The following EYS variants were observed in gnomAD, a reference collection of about 807,000 sequenced individuals.
The protein encoded by EYS is EGF-like photoreceptor maintenance factor, also known as protein eyes shut homolog.
Under a neutral mutation model 282.1 loss-of-function variants are expected in EYS, and 250 were observed. The ratio of observed to expected loss-of-function variants is 0.89; its 90% CI spans 0.80 to 0.98. The LOEUF is 0.98. Among genes scored for constraint, EYS ranks in the 50% least tolerant of loss-of-function variants. EYS has a pLI of 0.00. For synonymous variants in EYS, 1,355 were observed against 1,282.9 expected (o/e 1.06, Z -1.20); for missense variants, 4,016 against 3,709.0 (o/e 1.08, Z -2.15).
chr6:64,109,647 G>T, intron 31 of EYS, among the ~76,000 whole-genome samples: 1 of 152,042 alleles, frequency 6.6e-6, no homozygotes, highest in East Asian at 1.9e-4. Context: ...CATGCAAGGA[G>T]AACTTGGACA....
Position 63,762,763 on chromosome 6 carries a change from A to G in EYS, c.7899-130T>C, listed in dbSNP as rs997292191. The G allele has an allele frequency of 1.0e-4, 90 of 862,832 alleles. 1 individual carries two copies. Among genetic ancestry groups the G allele is most frequent in the Non-Finnish European group, 1.4e-4 (83 of 578,534 alleles). The allele number at this position is 862,832 out of a possible 1,614,324, so 53.4% of individuals were successfully genotyped here. On this transcript the variant is annotated intron_variant, in intron 40 of 42. Coordinates refer to ENST00000503581, the MANE Select transcript of EYS (RefSeq NM_001142800.2). The stretch of plus-strand genomic sequence containing the variant: ...GAGATCAAAATGAATTGTGATTCAA[A>G]CCCTAAATTGTCAAAGGAAAGAGTT...
chr6:65,188,541 T>A (rs75283225), intron 12 of EYS, among the ~76,000 whole-genome samples: 5,722 of 151,628 alleles, frequency 0.038, 333 homozygotes, highest in African/African-American at 0.13. Flanking sequence ...GATATTTATA[T>A]CTTAATCCTC....
At chr6:63,843,289 T>C (rs1044586134) in intron 36 of EYS, among the ~76,000 whole-genome samples, 1 of 152,130 alleles carries the variant, frequency 6.6e-6, no homozygotes, top group African/African-American at 2.4e-5. Flanking sequence ...CCTTGAGCAG[T>C]AGTTTGTAGT....
intron 41 of EYS, among the ~76,000 whole-genome samples, chr6:63,756,366 T>C (rs1769484125): frequency 6.6e-6 from 1 of 152,216 alleles, no homozygotes. Context: ...AGGCCTTTTC[T>C]GCATCTTTTG....
At chr6:65,573,597 C>A (rs1309421912) in intron 2 of EYS, among the ~76,000 whole-genome samples, 3 of 152,130 alleles carry the variant, frequency 2.0e-5, no homozygotes, top group African/African-American at 4.8e-5. Context: ...ACCCTGAAGC[C>A]CAGCCTCCCT....
At chr6:65,409,966 T>C (rs566400109) in intron 5 of EYS, among the ~76,000 whole-genome samples, 1 of 152,232 alleles carries the variant, frequency 6.6e-6, no homozygotes, top group South Asian at 2.1e-4. Flanking sequence ...TTTATTAATA[T>C]ATAAGCATTT....
chr6:65,518,614 T>C (rs1359825203), intron 2 of EYS, among the ~76,000 whole-genome samples: 1 of 152,128 alleles, frequency 6.6e-6, no homozygotes, highest in Non-Finnish European at 1.5e-5. Context: ...ATAAACCCCA[T>C]GAGGGCAAAA....
intron 11 of EYS, chr6:65,329,889 C>G (rs1410089741): frequency 1.0e-6 from 1 of 980,086 alleles, no homozygotes; most frequent in Non-Finnish European, 1.2e-6. Flanking sequence ...TTCTTATGGA[C>G]TTTTAGATTC....
intron 37 of EYS, chr6:63,797,947 G>A (rs888369322): frequency 6.6e-6 from 1 of 152,154 alleles, no homozygotes; most frequent in African/African-American, 2.4e-5. Flanking sequence ...GCAAAAGGAG[G>A]TGAGACTAGA....
chr6:63,979,296 A>C (rs1766985186), intron 35 of EYS, among the ~76,000 whole-genome samples: 1 of 151,948 alleles, frequency 6.6e-6, no homozygotes. Context: ...GATATTTGCT[A>C]TCTGGCCCAT....
intron 22 of EYS, among the ~76,000 whole-genome samples, chr6:64,709,084 G>T (rs1426093107): frequency 6.6e-6 from 1 of 152,082 alleles, no homozygotes; most frequent in Non-Finnish European, 1.5e-5. Context: ...GGAAAATACA[G>T]ATGAAAATAT....
chr6:64,212,889 G>T (rs927848313), intron 31 of EYS, among the ~76,000 whole-genome samples: 4 of 152,248 alleles, frequency 2.6e-5, no homozygotes, highest in Middle Eastern at 3.4e-3. Context: ...ACTGGATAAA[G>T]AAAATTTGGT....
chr6:64,451,088 C>T (rs984643825), intron 26 of EYS, among the ~76,000 whole-genome samples: 3 of 151,810 alleles, frequency 2.0e-5, no homozygotes, highest in Admixed American at 1.3e-4. Flanking sequence ...TTGAAAAGAT[C>T]AACAAAATTG....
intron 11 of EYS, among the ~76,000 whole-genome samples, chr6:65,309,261 T>C (rs1769091721): frequency 2.0e-5 from 3 of 152,112 alleles, no homozygotes; most frequent in Admixed American, 2.0e-4. Context: ...CGTTAACATA[T>C]GTTCGTAATT....
At chr6:64,335,556 C>T (rs573382898) in intron 29 of EYS, among the ~76,000 whole-genome samples, 1 of 152,208 alleles carries the variant, frequency 6.6e-6, no homozygotes, top group African/African-American at 2.4e-5. Context: ...AGGAAAAGCC[C>T]TTTGTTTGGG....
intron 26 of EYS, among the ~76,000 whole-genome samples, chr6:64,557,663 T>C (rs1403946467): frequency 6.6e-6 from 1 of 152,096 alleles, no homozygotes. Context: ...GTATTAACTA[T>C]TAACTTTATT....
intron 26 of EYS, among the ~76,000 whole-genome samples, chr6:64,563,991 T>G (rs1765482811): frequency 6.6e-6 from 1 of 151,872 alleles, no homozygotes; most frequent in Non-Finnish European, 1.5e-5. Context: ...GATTCAACAT[T>G]TAGTTCATCC....
At chr6:64,184,634 A>T (rs555701579) in intron 31 of EYS, among the ~76,000 whole-genome samples, 19 of 152,154 alleles carry the variant, frequency 1.2e-4, no homozygotes, top group Admixed American at 1.1e-3. Flanking sequence ...AAACTACTTG[A>T]AGAGAAGTAG....
At chr6:65,611,817 C>T (rs1766011637) in intron 2 of EYS, among the ~76,000 whole-genome samples, 1 of 151,984 alleles carries the variant, frequency 6.6e-6, no homozygotes, top group South Asian at 2.1e-4. Context: ...TAGGATGTTG[C>T]CTCATCATCA....
Sources: allele counts gnomAD v4.1 joint callset (sites outside exome capture counted in the v4.1 genomes callset), GRCh38; gene constraint gnomAD v4.1.1; transcripts MANE v1.5; gene names NCBI Gene and HGNC (gene_info 2026-07-23, HGNC 2026-07-21).